Variants in PTPRD observed in about 807,000 individuals in gnomAD.
The protein encoded by PTPRD is receptor-type tyrosine-protein phosphatase delta.
Under a neutral mutation model 214.5 loss-of-function variants are expected in PTPRD, and 34 were observed. The observed-to-expected ratio is 0.16, with a 90% CI of 0.12 to 0.21. The LOEUF (loss-of-function observed/expected upper bound fraction) is 0.21, where lower values mean the gene tolerates loss of function less well. Ranked by LOEUF, PTPRD falls within the 10% of genes least tolerant of loss-of-function variation. The pLI, the probability that PTPRD is intolerant of heterozygous loss-of-function variation, is 1.00. For synonymous variants in PTPRD, 1,128 were observed against 845.7 expected, an observed-to-expected ratio of 1.33 and a Z score of -5.79; for missense variants, 2,545 against 2,398.7, an observed-to-expected ratio of 1.06 and a Z score of -1.27.
At chr9:9,326,897 G>A (rs1477496085) in intron 9 of PTPRD, among the ~76,000 whole-genome samples, 1 of 152,126 alleles carries the variant, frequency 6.6e-6, no homozygotes, top group South Asian at 2.1e-4. Flanking sequence ...CACTTCTCTT[G>A]TCCCAGAAGC....
chr9:8,426,231 T>C (rs1467084124), intron 35 of PTPRD, among the ~76,000 whole-genome samples: 3 of 152,164 alleles, frequency 2.0e-5, no homozygotes, highest in African/African-American at 7.2e-5. Flanking sequence ...ATACTAATCT[T>C]CTCATCTTAA....
At chr9:8,941,027 ACAGCAGTAATAACC>A (rs2099030818) in intron 11 of PTPRD, among the ~76,000 whole-genome samples, 1 of 152,204 alleles carries the variant, frequency 6.6e-6, no homozygotes, top group African/African-American at 2.4e-5. Context: ...TTATCATGGC[ACAGCAGTAATAACC>A]CATCAGGAAC....
At chr9:10,051,014 T>C (rs555922045) in intron 3 of PTPRD, among the ~76,000 whole-genome samples, 17 of 152,266 alleles carry the variant, frequency 1.1e-4, no homozygotes, top group Middle Eastern at 3.4e-3. Flanking sequence ...TCCCATGCTA[T>C]GCTAAATGTA....
At chr9:8,504,769 T>C (rs545970051) in intron 22 of PTPRD, among the ~76,000 whole-genome samples, 1 of 152,312 alleles carries the variant, frequency 6.6e-6, no homozygotes, top group South Asian at 2.1e-4. Context: ...AAATGACACC[T>C]GCCCCTGGTA....
At chr9:9,743,666 A>G (rs1341466466) in intron 6 of PTPRD, among the ~76,000 whole-genome samples, 1 of 151,610 alleles carries the variant, frequency 6.6e-6, no homozygotes, top group Non-Finnish European at 1.5e-5. Context: ...AGAAGAAGAA[A>G]TGAAAACACT....
At chr9:9,855,855 G>A (rs564761157) in intron 5 of PTPRD, among the ~76,000 whole-genome samples, 1 of 152,296 alleles carries the variant, frequency 6.6e-6, no homozygotes. Flanking sequence ...GTCCATGGAC[G>A]GCTTTAAGCG....
intron 11 of PTPRD, among the ~76,000 whole-genome samples, chr9:8,888,559 C>A (rs1170252477): frequency 1.3e-5 from 2 of 152,166 alleles, no homozygotes; most frequent in Non-Finnish European, 2.9e-5. Flanking sequence ...ATAAGAGGGG[C>A]TTTTATGAAA....
At chr9:8,571,510 G>C (rs2091141643) in intron 14 of PTPRD, among the ~76,000 whole-genome samples, 1 of 151,992 alleles carries the variant, frequency 6.6e-6, no homozygotes, top group Non-Finnish European at 1.5e-5. Flanking sequence ...ATAAACATAA[G>C]GAAATAAGCA....
intron 10 of PTPRD, among the ~76,000 whole-genome samples, chr9:9,182,655 A>G (rs1279124479): frequency 6.6e-6 from 1 of 152,028 alleles, no homozygotes; most frequent in Non-Finnish European, 1.5e-5. Context: ...ATTTTAAACA[A>G]AAAGTATTAT....
chr9:9,071,432 T>C (rs1472885775), intron 10 of PTPRD, among the ~76,000 whole-genome samples: 1 of 152,176 alleles, frequency 6.6e-6, no homozygotes, highest in Non-Finnish European at 1.5e-5. Context: ...GAACTAGGCC[T>C]TCTCTGAAGT....
At chr9:8,601,012 A>G (rs544278415) in intron 14 of PTPRD, among the ~76,000 whole-genome samples, 2 of 152,224 alleles carry the variant, frequency 1.3e-5, no homozygotes, top group Admixed American at 1.3e-4. Context: ...CCTGGGCCAA[A>G]GAGCTGATCG....
intron 9 of PTPRD, among the ~76,000 whole-genome samples, chr9:9,347,527 A>C (rs1321436703): frequency 6.6e-6 from 1 of 151,980 alleles, no homozygotes; most frequent in East Asian, 1.9e-4. Context: ...GGTGATGCAG[A>C]GTGGGTGTTT....
chr9:10,004,122 AAAAG>A (rs1362881061), intron 4 of PTPRD, among the ~76,000 whole-genome samples: 1 of 151,954 alleles, frequency 6.6e-6, no homozygotes, highest in East Asian at 1.9e-4. Flanking sequence ...TACAAAAAAG[AAAAG>A]AAATATATAG....
intron 8 of PTPRD, among the ~76,000 whole-genome samples, chr9:9,541,384 G>A (rs1201865781): frequency 6.6e-6 from 1 of 151,796 alleles, no homozygotes; most frequent in Non-Finnish European, 1.5e-5. Context: ...GTCACATGGA[G>A]AAGAATATGA....
chr9:10,479,953 T>A (rs987934553), intron 2 of PTPRD, among the ~76,000 whole-genome samples: 2 of 152,090 alleles, frequency 1.3e-5, no homozygotes, highest in Non-Finnish European at 2.9e-5. Flanking sequence ...AATTTTTCGT[T>A]TTTAAGAATC....
chr9:9,128,037 A>C (rs772538670), intron 10 of PTPRD, among the ~76,000 whole-genome samples: 9 of 152,092 alleles, frequency 5.9e-5, no homozygotes, highest in Non-Finnish European at 8.8e-5. Context: ...AAATTCATAA[A>C]CTTACCAATA....
intron 10 of PTPRD, among the ~76,000 whole-genome samples, chr9:9,154,029 A>C (rs915713253): frequency 6.6e-6 from 1 of 152,106 alleles, no homozygotes; most frequent in Admixed American, 6.6e-5. Context: ...GTGGAATGTG[A>C]GTAGACGTGA....
chr9:8,354,877 C>T lies in PTPRD; in HGVS notation c.4662-12899G>A, dbSNP rs918441918. Among the ~76,000 whole-genome samples the T allele has an allele frequency of 3.3e-5, 5 of 152,340 alleles. No homozygotes were observed. In the East Asian group the frequency reaches 5.8e-4, roughly 18 times the overall value. On this transcript the variant is annotated intron_variant, in intron 39 of 45. Coordinates refer to ENST00000381196, the MANE Select transcript of PTPRD (RefSeq NM_002839.4). ...AGAATGTTGGTCCAAGAGAGAAATG[C>T]TGTTCCTGTAATTGTCTTTTATTCA...
chr9:9,947,896 C>G (rs1384569554), intron 4 of PTPRD, among the ~76,000 whole-genome samples: 1 of 151,254 alleles, frequency 6.6e-6, no homozygotes, highest in Admixed American at 6.6e-5. Flanking sequence ...TAGAATGAAT[C>G]AAGAAAGACA....
Sources: gnomAD v4.1 joint callset for allele counts (sites outside exome capture counted in the v4.1 genomes callset) on GRCh38, gnomAD v4.1.1 for gene constraint, MANE v1.5 for transcripts, NCBI Gene and HGNC (gene_info 2026-07-23, HGNC 2026-07-21) for gene names.